The following REV3L variants were observed in gnomAD, a reference collection of about 807,000 sequenced individuals.
The protein encoded by REV3L is REV3 like, DNA directed polymerase zeta catalytic subunit, also known as DNA polymerase zeta catalytic subunit.
In REV3L, 69 loss-of-function variants were observed where a neutral mutation model predicts 299.4. That is an observed-to-expected ratio of 0.23 (90% CI 0.19 to 0.28). The LOEUF is 0.28. Ranked by LOEUF, REV3L falls within the 10% of genes least tolerant of loss-of-function variation. The pLI is 1.00. For missense variants in REV3L, 3,128 were observed against 3,693.8 expected (o/e 0.85, Z 3.97); for synonymous variants, 1,238 against 1,271.4 (o/e 0.97, Z 0.56).
intron 1 of REV3L, among the ~76,000 whole-genome samples, chr6:111,458,510 G>A (rs1217605524): frequency 6.6e-6 from 1 of 151,992 alleles, no homozygotes; most frequent in Non-Finnish European, 1.5e-5. Context: ...TTTGCTAATG[G>A]TATGATTCTA....
intron 1 of REV3L, among the ~76,000 whole-genome samples, chr6:111,434,731 A>G (rs1399525471): frequency 6.6e-6 from 1 of 152,192 alleles, no homozygotes; most frequent in Non-Finnish European, 1.5e-5. Context: ...AAAAAAAATC[A>G]AGAAAGCAAC....
intron 26 of REV3L, among the ~76,000 whole-genome samples, chr6:111,320,647 G>A (rs457492): frequency 0.41 from 61,728 of 151,746 alleles, 15,066 homozygotes; most frequent in Non-Finnish European, 0.55. Context: ...GTCACTAAAC[G>A]TTTGGGTTTC....
intron 1 of REV3L, among the ~76,000 whole-genome samples, chr6:111,445,504 TG>T (rs1445291039): frequency 2.0e-5 from 3 of 152,262 alleles, no homozygotes; most frequent in Non-Finnish European, 2.9e-5. Context: ...AAATATTTTC[TG>T]GTTATTCTAA....
intron 20 of REV3L, among the ~76,000 whole-genome samples, chr6:111,347,697 C>G (rs1310208769): frequency 1.3e-5 from 2 of 152,064 alleles, no homozygotes; most frequent in Non-Finnish European, 2.9e-5. Context: ...TCTGTTTTGT[C>G]TTTTTTGAGA....
intron 3 of REV3L, among the ~76,000 whole-genome samples, chr6:111,407,518 T>A (rs1195269234): frequency 6.6e-6 from 1 of 152,196 alleles, no homozygotes; most frequent in Admixed American, 6.5e-5. Flanking sequence ...TAAGGCACCA[T>A]AAGCATCACC....
At chr6:111,319,972 G>A (rs1018178771) in intron 26 of REV3L, among the ~76,000 whole-genome samples, 6 of 151,780 alleles carry the variant, frequency 4.0e-5, no homozygotes, top group African/African-American at 1.5e-4. Context: ...TGGGATTATA[G>A]GCATGCACCA....
intron 3 of REV3L, among the ~76,000 whole-genome samples, chr6:111,410,218 A>G (rs905664681): frequency 6.6e-6 from 1 of 152,220 alleles, no homozygotes; most frequent in African/African-American, 2.4e-5. Context: ...AAAATAATAA[A>G]TGAACAAATA....
intron 20 of REV3L, among the ~76,000 whole-genome samples, chr6:111,347,072 C>A (rs1777104612): frequency 6.6e-6 from 1 of 152,004 alleles, no homozygotes; most frequent in Admixed American, 6.6e-5. Flanking sequence ...GAGTTTGTGA[C>A]CAGGCTGGCC....
chr6:111,431,164 T>C (rs1056688781), intron 1 of REV3L: 4 of 1,556,790 alleles, frequency 2.6e-6, no homozygotes, highest in Non-Finnish European at 3.5e-6. Flanking sequence ...CAGCCATGAG[T>C]TTTTGGCCAC....
intron 23 of REV3L, among the ~76,000 whole-genome samples, 179 bp from the exon 24 acceptor site, chr6:111,331,963 A>G (rs570770632): frequency 3.2e-4 from 48 of 152,348 alleles, no homozygotes; most frequent in Middle Eastern, 3.4e-3. Flanking sequence ...TCAAATATTC[A>G]TAATTTATTA....
At position 111,405,792 on chromosome 6, in the gene REV3L, A is replaced by G. The variant is rs73765955; in HGVS notation, c.405-162T>C. On this transcript the variant is annotated intron_variant, in intron 3 of 31. Coordinates refer to ENST00000368802, the MANE Select transcript of REV3L (RefSeq NM_001372078.1). ...ATTTTGTTAGAAATTAAAAGTTTCAATCAAGTTTTCAAGTAAGCAACATGT... is the reference window on the plus strand; with the variant it reads ...ATTTTGTTAGAAATTAAAAGTTTCAGTCAAGTTTTCAAGTAAGCAACATGT... Among the ~76,000 whole-genome samples the G allele has an allele frequency of 1.6e-3, 239 of 152,346 alleles. 3 individuals are homozygous for G. The highest frequency in any genetic ancestry group is 5.2e-3 in the African/African-American group (215 of 41,586).
chr6:111,344,224 G>A (rs1339122065), intron 20 of REV3L, among the ~76,000 whole-genome samples, 181 bp from the exon 21 acceptor site: 3 of 152,172 alleles, frequency 2.0e-5, no homozygotes, highest in Admixed American at 6.5e-5. Flanking sequence ...GGACAGAAAT[G>A]TTCATAACAA....
intron 22 of REV3L, among the ~76,000 whole-genome samples, chr6:111,334,728 A>G (rs894621196): frequency 6.6e-6 from 1 of 152,206 alleles, no homozygotes; most frequent in Non-Finnish European, 1.5e-5. Context: ...TATAAATAAA[A>G]TAAATAGCTT....
intron 25 of REV3L, among the ~76,000 whole-genome samples, chr6:111,324,529 T>C (rs143452941): frequency 6.7e-4 from 102 of 152,308 alleles, no homozygotes; most frequent in African/African-American, 2.3e-3. Flanking sequence ...TCAAATATAC[T>C]TCTGAGATGT....
intron 16 of REV3L, chr6:111,361,175 G>C (rs1056835943): frequency 1.3e-5 from 2 of 152,012 alleles, no homozygotes; most frequent in Admixed American, 6.6e-5. Flanking sequence ...CCTGAGGTCA[G>C]GAGTTTGAGA....
chr6:111,406,783 T>C (rs777396878), intron 3 of REV3L, among the ~76,000 whole-genome samples: 2 of 152,080 alleles, frequency 1.3e-5, no homozygotes, highest in African/African-American at 2.4e-5. Flanking sequence ...CATTTAGGTA[T>C]AGTGGGGATC....
intron 15 of REV3L, among the ~76,000 whole-genome samples, chr6:111,364,500 A>T (rs770024422): frequency 2.6e-5 from 4 of 152,028 alleles, no homozygotes; most frequent in Non-Finnish European, 4.4e-5. Flanking sequence ...CTGATTTCTA[A>T]ATCTATTAAC....
At chr6:111,387,139 A>G (rs1167455879) in intron 9 of REV3L, among the ~76,000 whole-genome samples, 1 of 152,194 alleles carries the variant, frequency 6.6e-6, no homozygotes, top group East Asian at 1.9e-4. Context: ...ACATGTATAA[A>G]ACTTGAAAGT....
intron 30 of REV3L, chr6:111,307,773 T>G (rs1403418569): frequency 5.3e-6 from 3 of 564,532 alleles, no homozygotes; most frequent in Non-Finnish European, 9.4e-6. Context: ...TCATGGAACT[T>G]ACATCTTAAT....
Sources: gnomAD v4.1 joint callset for allele counts (sites outside exome capture counted in the v4.1 genomes callset) on GRCh38, gnomAD v4.1.1 for gene constraint, MANE v1.5 for transcripts, NCBI Gene and HGNC (gene_info 2026-07-23, HGNC 2026-07-21) for gene names.